The following SNURF variants were observed in gnomAD, a reference collection of about 807,000 sequenced individuals.
The protein encoded by SNURF is SNRPN upstream open reading frame.
Under a neutral mutation model 11.6 loss-of-function variants are expected in SNURF, and 6 were observed. The ratio of observed to expected loss-of-function variants is 0.52; its 90% confidence interval spans 0.28 to 1.02. SNURF has a LOEUF of 1.02. Among genes scored for constraint, SNURF ranks in the 50% least tolerant of loss-of-function variants. The probability of loss-of-function intolerance (pLI) is 0.09; values close to 1 mark genes in which losing one functional copy is unlikely to be tolerated. For missense variants in SNURF, 84 were observed against 88.4 expected, an observed-to-expected ratio of 0.95 and a Z score of 0.20; for synonymous variants, 29 against 31.6, an observed-to-expected ratio of 0.92 and a Z score of 0.27.
intron 3 of SNURF, chr15:24,974,574 A>T: frequency 2.1e-6 from 2 of 941,884 alleles, no homozygotes; most frequent in Non-Finnish European, 3.5e-6. Context: ...ACATCCATGG[A>T]TATGGATTCT....
downstream of SNURF, among the ~76,000 whole-genome samples, chr15:24,971,548 T>A (rs1358669313): frequency 6.6e-6 from 1 of 151,456 alleles, no homozygotes; most frequent in East Asian, 1.9e-4. Flanking sequence ...GATATATATA[T>A]AAATATAAAA....
At chr15:24,963,005 TA>T (rs11352421) in intron 2 of SNURF, among the ~76,000 whole-genome samples, 75,839 of 151,958 alleles carry the variant, frequency 0.5, 20,812 homozygotes, top group African/African-American at 0.74. Flanking sequence ...ACTACCAACT[TA>T]ACTGGCCTTT....
intron 4 of SNURF, chr15:24,975,625 G>A (rs1264636938): frequency 1.2e-6 from 1 of 813,878 alleles, no homozygotes; most frequent in Admixed American, 2.0e-5. Context: ...CTATGGTAGA[G>A]CCAGTCTATT....
rs931375396 is a variant in SNURF at position 24,961,969 on chromosome 15, T to A, written c.15-145T>A. 7 of 792,882 alleles carry A rather than the reference T, an allele frequency of 8.8e-6. No homozygotes were observed. The East Asian group carries it at 1.9e-4, about 21-fold the overall frequency. The allele number at this position is 792,882 out of a possible 1,614,324, so 49.1% of individuals were successfully genotyped here. ...GCATAGATTATGACTGTTTGAAGGT[T>A]AAAGATCTTGTAATAATTTTACCTT... On this transcript the variant is annotated intron_variant, in intron 1 of 2. Coordinates refer to ENST00000577949, the Ensembl canonical transcript of SNURF.
At chr15:24,975,515 G>T (rs1297827382) in intron 4 of SNURF, 1 of 1,611,754 alleles carries the variant, frequency 6.2e-7, no homozygotes, top group South Asian at 1.1e-5. Flanking sequence ...ATCAAGTAAG[G>T]CTGATTTGGG....
At chr15:24,965,638 G>A (rs1452686921) in intron 2 of SNURF, among the ~76,000 whole-genome samples, 1 of 152,190 alleles carries the variant, frequency 6.6e-6, no homozygotes, top group East Asian at 1.9e-4. Context: ...GGGGCTGGAT[G>A]ATGTATCGTG....
At position 24,962,970 on chromosome 15, in the gene SNURF, A is replaced by G. The variant is rs540451071; in HGVS notation, c.110+761A>G. Among the ~76,000 whole-genome samples the G allele has an allele frequency of 4.7e-5, 7 of 149,504 alleles. No homozygotes were observed. The South Asian group carries it at 1.5e-3, about 31-fold the overall frequency. On this transcript the variant is annotated intron_variant, in intron 2 of 2. Coordinates refer to ENST00000577949, the Ensembl canonical transcript of SNURF. ...TTCTTTTTGTAAAACAGTTTTGCATAAAAAGTAAGTCTCATTTTAAAGCAA... is the reference window on the plus strand; with the variant it reads ...TTCTTTTTGTAAAACAGTTTTGCATGAAAAGTAAGTCTCATTTTAAAGCAA...
intron 1 of SNURF, among the ~76,000 whole-genome samples, chr15:24,955,833 G>A (rs1009339596): frequency 2.0e-5 from 3 of 151,448 alleles, no homozygotes; most frequent in South Asian, 2.1e-4. Flanking sequence ...TAGGCATGGC[G>A]GCGGTGGGCA....
At chr15:24,955,427 G>A (rs2062679403) in intron 1 of SNURF, among the ~76,000 whole-genome samples, 2 of 151,958 alleles carry the variant, frequency 1.3e-5, no homozygotes, top group Admixed American at 6.6e-5. Flanking sequence ...TTGCAGTTCC[G>A]TGTGGCGAGG....
At position 24,975,743 on chromosome 15, in the gene SNURF, A is replaced by G. The variant is rs148103733; in HGVS notation, c.*197+234A>G. Among the ~76,000 whole-genome samples, 149 of 152,338 alleles carry G rather than the reference A, an allele frequency of 9.8e-4. 1 individual carries two copies. In the East Asian group the frequency reaches 0.028, roughly 28 times the overall value. On this transcript the variant is annotated intron_variant and NMD_transcript_variant, in intron 4 of 6. Coordinates refer to the SNURF transcript ENST00000580062. ...ATTACTGGGAGTAAAAGTATATGCT[A>G]TGGTCAGAATACTCGTATTTATTTT...
At chr15:24,978,066 T>G (rs2077267029), downstream of SNURF, 8 of 1,193,628 alleles carry the variant, frequency 6.7e-6, no homozygotes, top group South Asian at 1.2e-4. Context: ...GAAGAGTAAT[T>G]GTCATATAGA....
At chr15:24,955,898 C>CT (rs1465222221) in intron 1 of SNURF, among the ~76,000 whole-genome samples, 41 of 151,770 alleles carry the variant, frequency 2.7e-4, no homozygotes, top group African/African-American at 9.0e-4. Flanking sequence ...TCCGGAGTGA[C>CT]TAAGGGACGC....
chr15:24,955,580 T>G, intron 1 of SNURF, among the ~76,000 whole-genome samples: 1 of 108,014 alleles, frequency 9.3e-6, no homozygotes, highest in East Asian at 2.7e-4. Flanking sequence ...CACTGCGTGG[T>G]GGAGCAGGGT....
exon 3 of SNURF, chr15:24,968,087 G>C: frequency 6.9e-7 from 1 of 1,458,244 alleles, no homozygotes; most frequent in Non-Finnish European, 9.6e-7. Context: ...AACCAGGTTA[G>C]AGCTAATGCA....
intron 3 of SNURF, among the ~76,000 whole-genome samples, chr15:24,974,052 A>G (rs1169304002): frequency 2.0e-5 from 3 of 152,218 alleles, no homozygotes; most frequent in Non-Finnish European, 4.4e-5. Context: ...AAATTTGGGA[A>G]AATGACGCTT....
At chr15:24,964,359 C>T (rs2075311057) in intron 2 of SNURF, among the ~76,000 whole-genome samples, 1 of 151,966 alleles carries the variant, frequency 6.6e-6, no homozygotes, top group African/African-American at 2.4e-5. Context: ...TCTTGTTGCC[C>T]AGGATGGAGT....
Position 24,974,202 on chromosome 15 carries a change from G to C in SNURF, c.*46-1156G>C, listed in dbSNP as rs2076799707. Reference sequence around the variant, plus strand: ...CCTTGGTGAGGAAGCTAGTATGAGAGGAAGGATGTTTTTGAACGTGTCTGT... The same window carrying C: ...CCTTGGTGAGGAAGCTAGTATGAGACGAAGGATGTTTTTGAACGTGTCTGT... On this transcript the variant is annotated intron_variant and NMD_transcript_variant, in intron 3 of 6. Coordinates refer to the SNURF transcript ENST00000580062. 1.3e-5 allele frequency: 7 copies of C among 525,960 alleles called. No individual in the cohort carries two copies. The South Asian group carries it at 1.6e-4, about 12-fold the overall frequency. The allele number at this position is 525,960 out of a possible 1,614,324, so 32.6% of individuals were successfully genotyped here. A position where few individuals can be genotyped will look rare whatever the true frequency, so the allele number is the denominator to read the frequency against.
At chr15:24,962,717 TTTTAA>T (rs984539962) in intron 2 of SNURF, among the ~76,000 whole-genome samples, 1 of 152,212 alleles carries the variant, frequency 6.6e-6, no homozygotes, top group African/African-American at 2.4e-5. Context: ...CAGACACATA[TTTTAA>T]TTTAGATTTC....
intron 1 of SNURF, among the ~76,000 whole-genome samples, chr15:24,956,512 A>T (rs4906940): frequency 0.34 from 51,194 of 151,966 alleles, 8,973 homozygotes; most frequent in East Asian, 0.51. Context: ...CCCCTCCCCA[A>T]AGTGCTGCTT....
Sources: gnomAD v4.1 joint callset for allele counts (sites outside exome capture counted in the v4.1 genomes callset) on GRCh38, gnomAD v4.1.1 for gene constraint, MANE v1.5 for transcripts, NCBI Gene and HGNC (gene_info 2026-07-23, HGNC 2026-07-21) for gene names.